Variants in CDIN1 observed in about 807,000 individuals in gnomAD.
CDIN1 encodes the protein CDAN1 interacting nuclease 1.
CDIN1 carries 33 observed loss-of-function variants against 45.3 expected under a neutral mutation model. The ratio of observed to expected loss-of-function variants is 0.73; its 90% CI spans 0.55 to 0.97. The LOEUF (loss-of-function observed/expected upper bound fraction) is 0.97, where lower values mean the gene tolerates loss of function less well. CDIN1 is among the 50% of genes least tolerant of loss of function. The probability of loss-of-function intolerance (pLI) is 0.00; values close to 1 mark genes in which losing one functional copy is unlikely to be tolerated. For synonymous variants in CDIN1, 118 were observed against 124.4 expected, an observed-to-expected ratio of 0.95 and a Z score of 0.34; for missense variants, 303 against 339.4, an observed-to-expected ratio of 0.89 and a Z score of 0.84.
chr15:36,725,194 TC>T (rs2043579080), intron 10 of CDIN1, among the ~76,000 whole-genome samples: 1 of 152,136 alleles, frequency 6.6e-6, no homozygotes, highest in African/African-American at 2.4e-5. Context: ...TGCATTTCTC[TC>T]CTTGCCTTCC....
intron 1 of CDIN1, among the ~76,000 whole-genome samples, chr15:36,638,020 C>A (rs2039969770): frequency 6.6e-6 from 1 of 152,012 alleles, no homozygotes; most frequent in Admixed American, 6.6e-5. Context: ...TGTTTGTTAA[C>A]CTAAGTGGTT....
At chr15:36,781,189 G>T (rs1305525436) in intron 10 of CDIN1, among the ~76,000 whole-genome samples, 1 of 152,184 alleles carries the variant, frequency 6.6e-6, no homozygotes, top group Non-Finnish European at 1.5e-5. Context: ...TTACATGTAA[G>T]TTACAACTGG....
intron 1 of CDIN1, among the ~76,000 whole-genome samples, chr15:36,609,110 C>T (rs539558284): frequency 3.3e-5 from 5 of 152,220 alleles, no homozygotes; most frequent in East Asian, 1.9e-4. Context: ...TCACACGCTC[C>T]GGTGATGCTT....
chr15:36,709,000 C>G (rs868449646), intron 8 of CDIN1: 1 of 375,844 alleles, frequency 2.7e-6, no homozygotes, highest in Non-Finnish European at 4.7e-6. Flanking sequence ...TTTATAATAA[C>G]GAAAACATGC....
At chr15:36,782,635 A>C (rs545084439) in intron 10 of CDIN1, among the ~76,000 whole-genome samples, 1 of 152,314 alleles carries the variant, frequency 6.6e-6, no homozygotes, top group East Asian at 1.9e-4. Flanking sequence ...AGGTGTTTTC[A>C]TGAGGGATTT....
At chr15:36,788,399 T>TA (rs1392624806) in intron 10 of CDIN1, among the ~76,000 whole-genome samples, 4 of 151,940 alleles carry the variant, frequency 2.6e-5, no homozygotes, top group Non-Finnish European at 5.9e-5. Flanking sequence ...ATTATATTTT[T>TA]AAAAAAACAG....
Position 36,740,150 on chromosome 15 carries a change from A to G in CDIN1, c.716+30189A>G, listed in dbSNP as rs140944683. On this transcript the variant is annotated intron_variant, in intron 10 of 10. Coordinates refer to ENST00000566621, the MANE Select transcript of CDIN1 (RefSeq NM_001321759.2). ...CTGAGAAATTCTGTGTCAAGGAAAC[A>G]TGTTTTCATTGTTTAAGCCTACATT... is the stretch of plus-strand genomic sequence containing the variant. Among the ~76,000 whole-genome samples the G allele has an allele frequency of 4.3e-4, 65 of 152,366 alleles. 1 individual carries two copies. In the East Asian group the frequency reaches 8.7e-3, roughly 20 times the overall value.
intron 1 of CDIN1, among the ~76,000 whole-genome samples, chr15:36,591,131 T>G (rs74008634): frequency 0.032 from 4,946 of 152,274 alleles, 131 homozygotes; most frequent in South Asian, 0.13. Context: ...CGTGGTTCTA[T>G]AGGGCTCTTG....
chr15:36,690,788 C>T (rs973157202), intron 5 of CDIN1, among the ~76,000 whole-genome samples: 2 of 152,102 alleles, frequency 1.3e-5, no homozygotes, highest in African/African-American at 2.4e-5. Flanking sequence ...TTGAAATAAT[C>T]GATACCTAGG....
At chr15:36,715,411 A>G (rs1267212544) in intron 10 of CDIN1, among the ~76,000 whole-genome samples, 2 of 152,186 alleles carry the variant, frequency 1.3e-5, no homozygotes, top group Non-Finnish European at 2.9e-5. Context: ...CCAACCAGTT[A>G]GAGTTAAGGA....
intron 3 of CDIN1, among the ~76,000 whole-genome samples, chr15:36,646,319 A>AT (rs201684837): frequency 6.6e-6 from 1 of 152,130 alleles, no homozygotes; most frequent in Non-Finnish European, 1.5e-5. Context: ...CAGAAGTTAG[A>AT]TTTTTTAAAA....
intron 1 of CDIN1, among the ~76,000 whole-genome samples, chr15:36,628,075 T>G (rs1400650629): frequency 2.0e-5 from 3 of 152,140 alleles, no homozygotes; most frequent in Non-Finnish European, 2.9e-5. Context: ...TACAGTTAAA[T>G]TCCCTCCTTT....
chr15:36,611,761 T>A (rs1240003489), intron 1 of CDIN1, among the ~76,000 whole-genome samples: 1 of 152,254 alleles, frequency 6.6e-6, no homozygotes. Flanking sequence ...GGCATTTGCC[T>A]TTTATCAAAT....
chr15:36,625,678 G>T (rs1267636132), intron 1 of CDIN1, among the ~76,000 whole-genome samples: 2 of 152,194 alleles, frequency 1.3e-5, no homozygotes, highest in Admixed American at 6.5e-5. Flanking sequence ...GAGACTCAGA[G>T]TTGAACTCGG....
rs370027839 is a variant in CDIN1, at chr15:36,650,887, AC to A, written c.213-3208del. On this transcript the variant is annotated intron_variant, in intron 3 of 10. Coordinates refer to ENST00000566621, the MANE Select transcript of CDIN1 (RefSeq NM_001321759.2). ...AGACCAGCTTAGCCAACATGGCAAAACCCTATCTCTACTAAAAGCACAAAAA... is the reference window on the plus strand; with the variant it reads ...AGACCAGCTTAGCCAACATGGCAAAACCTATCTCTACTAAAAGCACAAAAA... Among the ~76,000 whole-genome samples, 537 of 152,108 alleles carry A rather than the reference AC, an allele frequency of 3.5e-3. 3 individuals are homozygous for A. The highest frequency in any genetic ancestry group is 0.012 in the African/African-American group (507 of 41,502).
At chr15:36,705,485 A>G (rs2042828858) in intron 8 of CDIN1, 1 of 152,202 alleles carries the variant, frequency 6.6e-6, no homozygotes, top group African/African-American at 2.4e-5. Flanking sequence ...ACATGGGCAC[A>G]TATCCTGTAT....
intron 1 of CDIN1, among the ~76,000 whole-genome samples, chr15:36,627,933 AG>A (rs2039513890): frequency 7.6e-6 from 1 of 131,602 alleles, no homozygotes; most frequent in African/African-American, 2.7e-5. Flanking sequence ...GAGAAGTGGG[AG>A]GCCTGTAATT....
intron 7 of CDIN1, among the ~76,000 whole-genome samples, chr15:36,696,724 C>T (rs1444534513): frequency 6.6e-6 from 1 of 152,056 alleles, no homozygotes; most frequent in Non-Finnish European, 1.5e-5. Context: ...AGATTTTTAA[C>T]ACAGATTAAA....
At chr15:36,727,729 G>T (rs542668193) in intron 10 of CDIN1, among the ~76,000 whole-genome samples, 116 of 152,122 alleles carry the variant, frequency 7.6e-4, no homozygotes, top group Non-Finnish European at 1.4e-3. Context: ...AAACATTGTT[G>T]TTATTCTATA....
Sources: gnomAD v4.1 joint callset for allele counts (sites outside exome capture counted in the v4.1 genomes callset) on GRCh38, gnomAD v4.1.1 for gene constraint, MANE v1.5 for transcripts, NCBI Gene and HGNC (gene_info 2026-07-23, HGNC 2026-07-21) for gene names.